Variants in NUP205 observed in about 807,000 individuals in gnomAD.
NUP205 encodes the protein nucleoporin 205, also known as nuclear pore complex protein Nup205.
NUP205 carries 76 observed loss-of-function variants against 253.8 expected under a neutral mutation model. The observed-to-expected ratio is 0.30, with a 90% CI of 0.25 to 0.36. The LOEUF is 0.36. Among genes scored for constraint, NUP205 ranks in the 10% least tolerant of loss-of-function variants. The pLI, the probability that NUP205 is intolerant of heterozygous loss-of-function variation, is 1.00. For synonymous variants in NUP205, 832 were observed against 850.1 expected, an observed-to-expected ratio of 0.98 and a Z score of 0.37; for missense variants, 2,162 against 2,425.5, an observed-to-expected ratio of 0.89 and a Z score of 2.28.
intron 22 of NUP205, among the ~76,000 whole-genome samples, chr7:135,612,348 C>T (rs1359540047): frequency 6.6e-6 from 1 of 152,138 alleles, no homozygotes; most frequent in Admixed American, 6.5e-5. Context: ...TGTTTAAAGA[C>T]ACCTTACTTA....
At chr7:135,559,141 C>T (rs1419918781) in intron 1 of NUP205, among the ~76,000 whole-genome samples, 1 of 152,136 alleles carries the variant, frequency 6.6e-6, no homozygotes, top group Admixed American at 6.5e-5. Context: ...CAAATAGTTA[C>T]GTAATGTCCC....
intron 25 of NUP205, 129 bp downstream of exon 25, chr7:135,616,855 A>G (rs896855487): frequency 2.9e-5 from 19 of 655,716 alleles, no homozygotes; most frequent in Non-Finnish European, 4.5e-5. Flanking sequence ...TAAAGGATTA[A>G]TTGCCACCTG....
intron 8 of NUP205, 108 bp downstream of exon 8, chr7:135,585,115 A>C: frequency 1.1e-6 from 1 of 928,226 alleles, no homozygotes; most frequent in Admixed American, 3.0e-5. Context: ...TTTTTAATAC[A>C]GACTAAAATT....
intron 22 of NUP205, among the ~76,000 whole-genome samples, chr7:135,608,058 G>A (rs1267696610): frequency 5.5e-5 from 7 of 127,164 alleles, no homozygotes; most frequent in Non-Finnish European, 9.8e-5. Context: ...ATGGAGTCTC[G>A]CTCTGTTGCC....
chr7:135,570,699 TA>T (rs1247702898), intron 1 of NUP205, among the ~76,000 whole-genome samples: 1 of 69,124 alleles, frequency 1.4e-5, no homozygotes, highest in Non-Finnish European at 2.9e-5. Flanking sequence ...TTAATATAAT[TA>T]ATTATATTAA....
At chr7:135,609,981 G>A (rs1794189515) in intron 22 of NUP205, among the ~76,000 whole-genome samples, 2 of 152,222 alleles carry the variant, frequency 1.3e-5, no homozygotes, top group Admixed American at 1.3e-4. Flanking sequence ...TGGGAGGAAA[G>A]GAGAATCTGG....
chr7:135,595,309 C>T (rs1793798838), intron 13 of NUP205, among the ~76,000 whole-genome samples: 1 of 151,898 alleles, frequency 6.6e-6, no homozygotes, highest in African/African-American at 2.4e-5. Flanking sequence ...CTGTAGCCTC[C>T]ACCTCCCGGG....
intron 1 of NUP205, among the ~76,000 whole-genome samples, chr7:135,566,666 T>C (rs181670695): frequency 2.5e-4 from 38 of 152,320 alleles, no homozygotes; most frequent in African/African-American, 8.7e-4. Context: ...CTTTCTTTCA[T>C]GTACTCTCAT....
At position 135,558,883 on chromosome 7, in the gene NUP205, CT is replaced by C. The variant is rs962750613; in HGVS notation, c.28+917del. Among the ~76,000 whole-genome samples, 104 of 152,232 alleles carry C rather than the reference CT, an allele frequency of 6.8e-4. 1 individual carries two copies. The highest frequency in any genetic ancestry group is 2.5e-3 in the African/African-American group (103 of 41,542). On this transcript the variant is annotated intron_variant, in intron 1 of 42. Coordinates refer to ENST00000285968, the MANE Select transcript of NUP205 (RefSeq NM_015135.3). ...TGTGAGAATCTCACTTAAAAGGACT[CT>C]TTTTTAAAGTATTGGTTCTATTTTC... is the stretch of plus-strand genomic sequence containing the variant.
rs6948382 is a variant in NUP205 at position 135,638,828 on chromosome 7, G to A, written c.5392+145G>A. On this transcript the variant is annotated intron_variant, in intron 38 of 42. Coordinates refer to ENST00000285968, the MANE Select transcript of NUP205 (RefSeq NM_015135.3). ...TTTTAAATAAGTTTTAAAGTTGAGC[G>A]GGAGGTATTATTATTAGACCTATGT... 137,762 of 826,714 alleles carry A rather than the reference G, an allele frequency of 0.17. 12,423 individuals carry two copies. The highest frequency in any genetic ancestry group is 0.21 in the East Asian group (8,339 of 39,402). The allele number at this position is 826,714 out of a possible 1,614,324, so 51.2% of individuals were successfully genotyped here.
chr7:135,606,316 T>C, intron 20 of NUP205, 90 bp downstream of exon 20: 3 of 876,800 alleles, frequency 3.4e-6, no homozygotes, highest in Middle Eastern at 2.6e-4. Context: ...TTAACTGTTT[T>C]AGTGATGGTG....
intron 13 of NUP205, 120 bp from the exon 14 acceptor site, chr7:135,597,248 G>T: frequency 1.6e-6 from 1 of 630,374 alleles, no homozygotes; most frequent in Non-Finnish European, 2.9e-6. Flanking sequence ...TGTCATTTTG[G>T]TGGACATTGT....
chr7:135,627,101 C>G (rs1447172780), intron 33 of NUP205, among the ~76,000 whole-genome samples: 1 of 152,140 alleles, frequency 6.6e-6, no homozygotes, highest in Non-Finnish European at 1.5e-5. Flanking sequence ...GAGTTAAATA[C>G]TCTTTAGTTC....
In NUP205 at chr7:135,639,989, A is replaced by G. The variant is rs191223150; in HGVS notation, c.5392+1306A>G. On this transcript the variant is annotated intron_variant, in intron 38 of 42. Coordinates refer to ENST00000285968, the MANE Select transcript of NUP205 (RefSeq NM_015135.3). ...AACCAAACACCACATGTTCTCACTC[A>G]TAAGTGGAAGTTGAACAATGAGAAC... is the stretch of plus-strand genomic sequence containing the variant. Among the ~76,000 whole-genome samples the G allele has an allele frequency of 5.6e-4, 86 of 152,334 alleles. 1 individual carries two copies. The highest frequency in any genetic ancestry group is 5.6e-3 in the Admixed American group (86 of 15,300).
intron 2 of NUP205, among the ~76,000 whole-genome samples, chr7:135,573,132 C>A (rs376867197): frequency 2.0e-5 from 3 of 152,008 alleles, no homozygotes; most frequent in African/African-American, 7.2e-5. Context: ...GATTCAATGA[C>A]CAATGTGTAA....
intron 1 of NUP205, among the ~76,000 whole-genome samples, chr7:135,561,917 C>CCTTCCT (rs1805592218): frequency 6.8e-6 from 1 of 147,564 alleles, no homozygotes. Flanking sequence ...CCTTCCTTCC[C>CCTTCCT]TCCTTCCTTC....
chr7:135,595,462 G>A (rs983661549), intron 13 of NUP205, among the ~76,000 whole-genome samples: 4 of 152,128 alleles, frequency 2.6e-5, no homozygotes, highest in Non-Finnish European at 5.9e-5. Flanking sequence ...GGCTTCAAGT[G>A]ATCTGCCCGC....
At chr7:135,573,964 CT>C (rs1806076762) in intron 3 of NUP205, 139 bp downstream of exon 3, 2 of 714,306 alleles carry the variant, frequency 2.8e-6, no homozygotes, top group Non-Finnish European at 4.4e-6. Context: ...AAAATATTTC[CT>C]TTTTTAATCT....
intron 34 of NUP205, 139 bp downstream of exon 34, chr7:135,628,250 G>C: frequency 1.5e-6 from 1 of 663,244 alleles, no homozygotes; most frequent in Non-Finnish European, 2.3e-6. Context: ...GAGAAAAGAG[G>C]CCCCTGTACT....
Sources: allele counts gnomAD v4.1 joint callset (sites outside exome capture counted in the v4.1 genomes callset), GRCh38; gene constraint gnomAD v4.1.1; transcripts MANE v1.5; gene names NCBI Gene and HGNC (gene_info 2026-07-23, HGNC 2026-07-21).